The following AP4M1 variants were observed in gnomAD, a reference collection of about 807,000 sequenced individuals.
The protein encoded by AP4M1 is adaptor related protein complex 4 subunit mu 1.
AP4M1 carries 58 observed loss-of-function variants against 62.4 expected under a neutral mutation model. The ratio of observed to expected loss-of-function variants is 0.93; its 90% confidence interval spans 0.75 to 1.16. AP4M1 has a LOEUF of 1.16. AP4M1 is among the 50% of genes most tolerant of loss of function. The pLI, the probability that AP4M1 is intolerant of heterozygous loss-of-function variation, is 0.00. For synonymous variants in AP4M1, 290 were observed against 239.7 expected, an observed-to-expected ratio of 1.21 and a Z score of -1.94; for missense variants, 626 against 585.4, an observed-to-expected ratio of 1.07 and a Z score of -0.72.
At position 100,106,839 on chromosome 7, in the gene AP4M1, T is replaced by TG. The variant is rs1437455190; in HGVS notation, c.1320dup (p.Arg441AlafsTer87). The TG allele has an allele frequency of 1.1e-5, 18 of 1,613,794 alleles. No homozygotes were observed. The highest frequency in any genetic ancestry group is 2.7e-5 in the African/African-American group (2 of 74,946). ...GGCAATGCCAACCCCCACAAGTGGG[T>TG]GCGACACCTAAGCCACAGCGACGCC... On this transcript the variant is annotated frameshift_variant, in exon 15 of 15. Transcript: ENST00000359593. LOFTEE classifies it high-confidence loss of function.
At position 100,106,801 on chromosome 7, in the gene AP4M1, C is replaced by G; in HGVS notation, c.1281C>G (p.Ala427=). Residue 427 remains alanine, a synonymous_variant, in exon 15 of 15, where the codon GCC becomes GCG. Transcript: ENST00000359593. ...TCCAGGTCCGATTCCTCAGGCTGGCCTTCAGGCCATGCGGCAATGCCAACC... is the reference window on the plus strand; with the variant it reads ...TCCAGGTCCGATTCCTCAGGCTGGCGTTCAGGCCATGCGGCAATGCCAACC... ...SGLQVRFLRL[A]FRPCGNANPH... The G allele has an allele frequency of 6.2e-7, 1 of 1,614,086 alleles. No homozygotes were observed. Among genetic ancestry groups the G allele is most frequent in the Non-Finnish European group, 8.5e-7 (1 of 1,180,054 alleles).
chr7:100,102,648 C>G (rs1332804806), intron 2 of AP4M1, 27 bp from the exon 3 acceptor site: 5 of 1,606,212 alleles, frequency 3.1e-6, no homozygotes, highest in Non-Finnish European at 4.3e-6. Context: ...TTTTTTAACG[C>G]CTCTCTTCTC....
chr7:100,102,731 C>G lies in AP4M1; in HGVS notation c.204C>G (p.Val68=), dbSNP rs1346447444. The G allele has an allele frequency of 1.2e-6, 2 of 1,614,036 alleles. No homozygotes were observed. The highest frequency in any genetic ancestry group is 1.1e-5 in the South Asian group (1 of 91,082). ...HIRHSGLYLV[V]TTSENVSPFS... is the part of the protein sequence containing the mutation. ...GACACAGCGGCCTCTATTTGGTGGT[C>G]ACAACTTCAGAAAACGTTTCTCCCT... Residue 68 remains valine (V), a synonymous_variant, in exon 3 of 15, where the codon GTC becomes GTG. Transcript: ENST00000359593.
rs1405366238 is a variant in AP4M1, at chr7:100,106,917, C to A, written c.*35C>A. 6.3e-7 allele frequency: 1 copy of A among 1,594,490 alleles called. No individual in the cohort carries two copies. Reference sequence around the variant, plus strand: ...AACGAGGACACGACGGCCAAGGTGGCAGTTTGTCCCACGGGAGGACAGTCG... The same window carrying A: ...AACGAGGACACGACGGCCAAGGTGGAAGTTTGTCCCACGGGAGGACAGTCG... On this transcript the variant is annotated 3_prime_UTR_variant, in exon 15 of 15. Transcript: ENST00000359593.
Position 100,101,875 on chromosome 7 carries a change from G to T in AP4M1, c.59-5G>T. 1 of 1,613,190 alleles carries T rather than the reference G, an allele frequency of 6.2e-7. No homozygotes were observed. The highest frequency in any genetic ancestry group is 8.5e-7 in the Non-Finnish European group (1 of 1,179,954). On this transcript the variant is annotated splice_polypyrimidine_tract_variant and splice_region_variant and intron_variant, in intron 1 of 14. Coordinates refer to ENST00000359593, the MANE Select transcript of AP4M1 (RefSeq NM_004722.4). ...GATCCTTCACTGAGTCCTTCCACCC[G>T]CCAGTCCGCGGGGACAGTGGCGGCC...
chr7:100,101,990 G>C, intron 2 of AP4M1, 22 bp downstream of exon 2: 1 of 1,612,598 alleles, frequency 6.2e-7, no homozygotes, highest in Non-Finnish European at 8.5e-7. Flanking sequence ...CGGGAGGCGG[G>C]TGAGGAGCGG....
chr7:100,104,364 A>G (rs1289671528), intron 7 of AP4M1, among the ~76,000 whole-genome samples: 1 of 151,954 alleles, frequency 6.6e-6, no homozygotes, highest in African/African-American at 2.4e-5. Flanking sequence ...CAAAAAATAC[A>G]AATAAACAAA....
At position 100,107,183 on chromosome 7, in the gene AP4M1, T is replaced by TGTGTAC; in HGVS notation, c.*305_*310dup. On this transcript the variant is annotated 3_prime_UTR_variant, in exon 15 of 15. Coordinates refer to ENST00000359593, the MANE Select transcript of AP4M1 (RefSeq NM_004722.4). ...TCCTTCCGCTTAGCGAGCATGCATG[T>TGTGTAC]GTGTACGTGCACGTGTGTACATGTC... 2 of 1,518,450 alleles carry TGTGTAC rather than the reference T, an allele frequency of 1.3e-6. No homozygotes were observed. The highest frequency in any genetic ancestry group is 1.8e-6 in the Non-Finnish European group (2 of 1,136,180). 94.1% of individuals were successfully genotyped at this position (1,518,450 alleles called of 1,614,324 possible). A position where few individuals can be genotyped will look rare whatever the true frequency, so the allele number is the denominator to read the frequency against.
At chr7:100,101,255 G>C (rs1422169656), upstream of AP4M1, 2 of 1,613,146 alleles carry the variant, frequency 1.2e-6, no homozygotes, top group Non-Finnish European at 1.7e-6. Flanking sequence ...CGGGCTCGTA[G>C]ACCCGTACCC....
chr7:100,101,322 TG>T, upstream of AP4M1: 1 of 1,612,988 alleles, frequency 6.2e-7, no homozygotes, highest in South Asian at 1.1e-5. Context: ...CGGCCGCGCT[TG>T]GCGGGCTCAG....
chr7:100,106,383 C>A lies in AP4M1; in HGVS notation c.1026-20C>A. 1 of 1,613,348 alleles carries A rather than the reference C, an allele frequency of 6.2e-7. No individual in the cohort carries two copies. Among genetic ancestry groups the A allele is most frequent in the South Asian group, 1.1e-5 (1 of 91,068 alleles). On this transcript the variant is annotated intron_variant, in intron 13 of 14. Coordinates refer to ENST00000359593, the MANE Select transcript of AP4M1 (RefSeq NM_004722.4). ...CTCAAGAAGGTGCCAAGCCCAGCAC[C>A]TTCCCTTTCCAAACTCCAGCCTGTC...
intron 6 of AP4M1, 51 bp from the exon 7 acceptor site, chr7:100,104,041 A>G: frequency 1.3e-6 from 2 of 1,523,042 alleles, no homozygotes; most frequent in South Asian, 2.2e-5. Context: ...TGTCCATTTC[A>G]GAACATAGGC....
At chr7:100,103,198 T>C in intron 4 of AP4M1, 1 of 658,390 alleles carries the variant, frequency 1.5e-6, no homozygotes, top group Non-Finnish European at 2.7e-6. Context: ...CAGCCTCCCC[T>C]GTGCCTAGCT....
chr7:100,104,819 CG>C (rs1436724396), intron 7 of AP4M1, 54 bp from the exon 8 acceptor site: 5 of 1,599,514 alleles, frequency 3.1e-6, no homozygotes, highest in Non-Finnish European at 3.4e-6. Flanking sequence ...AGAGCGAGAC[CG>C]TCTCAAAAAA....
rs771993335 is a variant in AP4M1 at position 100,101,664 on chromosome 7, G to A, written c.-51G>A. On this transcript the variant is annotated 5_prime_UTR_variant, in exon 1 of 15. Transcript: ENST00000359593. The stretch of plus-strand genomic sequence containing the variant: ...CGTTCTTTTGTTCCGGGGCCGCAGG[G>A]CGGGGCAGGCCCGACTTTCGCCGTC... The A allele has an allele frequency of 1.4e-5, 22 of 1,547,728 alleles. No homozygotes were observed. The South Asian group carries it at 1.6e-4, about 11-fold the overall frequency.
chr7:100,101,029 C>A (rs193106762), upstream of AP4M1, among the ~76,000 whole-genome samples: 2 of 152,256 alleles, frequency 1.3e-5, no homozygotes, highest in African/African-American at 4.8e-5. Flanking sequence ...CCCCCAACCC[C>A]ACGACCCTAA....
intron 11 of AP4M1, 151 bp from the exon 12 acceptor site, chr7:100,105,808 T>A: frequency 1.0e-6 from 1 of 994,854 alleles, no homozygotes; most frequent in Admixed American, 1.9e-5. Flanking sequence ...GGAAAAAGCT[T>A]TGGCTAATGG....
At position 100,101,955 on chromosome 7, in the gene AP4M1, C is replaced by T; in HGVS notation, c.134C>T (p.Ser45Phe). Residue 45 changes from serine to phenylalanine, a missense_variant, in exon 2 of 15, where the codon TCC becomes TTC. Physicochemically the swap from Ser to Phe is radical, Grantham distance 155. Transcript: ENST00000359593. Reference sequence around the variant, plus strand: ...CTGACGGGACTGCCAGGAGACGAGTCCCCGGTTGTCATGGTAACCAGTGGC... The same window carrying T: ...CTGACGGGACTGCCAGGAGACGAGTTCCCGGTTGTCATGGTAACCAGTGGC... The part of the protein sequence containing the change: ...RKLTGLPGDE[S>F]PVVMHHHGRH... 1 of 1,613,216 alleles carries T rather than the reference C, an allele frequency of 6.2e-7. No homozygotes were observed. Among genetic ancestry groups the T allele is most frequent in the East Asian group, 2.2e-5 (1 of 44,866 alleles).
rs955344529 is a variant in AP4M1, at chr7:100,107,446, G to A, written c.*564G>A. On this transcript the variant is annotated 3_prime_UTR_variant, in exon 15 of 15. Coordinates refer to ENST00000359593, the MANE Select transcript of AP4M1 (RefSeq NM_004722.4). ...CCTCCTTTGCCCTCCCCTGTTGGGG[G>A]AAGTGAGACCACGATGTACTTCTGG... 1 of 1,612,536 alleles carries A rather than the reference G, an allele frequency of 6.2e-7. No individual in the cohort carries two copies. The highest frequency in any genetic ancestry group is 1.3e-5 in the African/African-American group (1 of 74,926).
Sources: allele counts gnomAD v4.1 joint callset (sites outside exome capture counted in the v4.1 genomes callset), GRCh38; gene constraint gnomAD v4.1.1; transcripts MANE v1.5; gene names NCBI Gene and HGNC (gene_info 2026-07-23, HGNC 2026-07-21).